The following GALNT2 variants were observed in gnomAD, a reference collection of about 807,000 sequenced individuals.
GALNT2 encodes the protein UDP-GalNAc:polypeptide N-acetylgalactosaminyltransferase 2.
GALNT2 carries 31 observed loss-of-function variants against 81.4 expected under a neutral mutation model. That is an observed-to-expected ratio of 0.38 (90% CI 0.29 to 0.51). The LOEUF (loss-of-function observed/expected upper bound fraction) is 0.51, where lower values mean the gene tolerates loss of function less well. Ranked by LOEUF, GALNT2 falls within the 20% of genes least tolerant of loss-of-function variation. The pLI is 0.87. For synonymous variants in GALNT2, 303 were observed against 287.4 expected, an observed-to-expected ratio of 1.05 and a Z score of -0.55; for missense variants, 629 against 765.7, an observed-to-expected ratio of 0.82 and a Z score of 2.11.
At chr1:230,122,690 T>C (rs57358662) in intron 1 of GALNT2, among the ~76,000 whole-genome samples, 7,575 of 152,176 alleles carry the variant, frequency 0.05, 573 homozygotes, top group East Asian at 0.33. Flanking sequence ...CTTCAGAGCA[T>C]TTTAAAGGTC....
intron 3 of GALNT2, among the ~76,000 whole-genome samples, chr1:230,220,281 G>GT (rs11341968): frequency 3.0e-4 from 45 of 147,962 alleles, no homozygotes; most frequent in South Asian, 4.3e-4. Flanking sequence ...AGGTGTTTTT[G>GT]TTTTTTTTTT....
intron 1 of GALNT2, among the ~76,000 whole-genome samples, chr1:230,155,242 T>C (rs571512182): frequency 6.6e-6 from 1 of 152,310 alleles, no homozygotes; most frequent in Non-Finnish European, 1.5e-5. Flanking sequence ...GGGGCCTGCA[T>C]GGGGTTGTGA....
intron 1 of GALNT2, among the ~76,000 whole-genome samples, chr1:230,084,315 A>T (rs1485115766): frequency 2.0e-5 from 3 of 152,086 alleles, no homozygotes; most frequent in Non-Finnish European, 4.4e-5. Flanking sequence ...GGAAGGGCCG[A>T]GGAGGGGACC....
chr1:230,067,751 G>A (rs890684191), intron 1 of GALNT2, among the ~76,000 whole-genome samples: 27 of 152,202 alleles, frequency 1.8e-4, no homozygotes, highest in Non-Finnish European at 3.2e-4. Context: ...AAACACAAAG[G>A]GGGTGGGGAG....
At chr1:230,131,883 G>C (rs918024720) in intron 1 of GALNT2, among the ~76,000 whole-genome samples, 1 of 152,248 alleles carries the variant, frequency 6.6e-6, no homozygotes, top group African/African-American at 2.4e-5. Flanking sequence ...GCTGAGGGCA[G>C]TTATGACCCA....
At chr1:230,146,130 T>G (rs1277822188) in intron 1 of GALNT2, among the ~76,000 whole-genome samples, 1 of 152,234 alleles carries the variant, frequency 6.6e-6, no homozygotes, top group Admixed American at 6.5e-5. Flanking sequence ...CCTCCTGGGT[T>G]AGGAGTGAAA....
At chr1:230,194,184 G>A (rs1663616051) in intron 2 of GALNT2, among the ~76,000 whole-genome samples, 1 of 152,214 alleles carries the variant, frequency 6.6e-6, no homozygotes, top group Non-Finnish European at 1.5e-5. Context: ...GTGATGAAGA[G>A]TATCAGTGGG....
chr1:230,255,408 C>T, intron 11 of GALNT2, 64 bp downstream of exon 11: 1 of 1,605,540 alleles, frequency 6.2e-7, no homozygotes. Context: ...CAGGACCTGA[C>T]CTTGGGCTGT....
intron 1 of GALNT2, among the ~76,000 whole-genome samples, chr1:230,153,306 AGATGTCTGCTAAT>A (rs1248592860): frequency 6.6e-6 from 1 of 152,224 alleles, no homozygotes; most frequent in Non-Finnish European, 1.5e-5. Context: ...AGACAAACTC[AGATGTCTGCTAAT>A]GATCGGTTCT....
At chr1:230,162,947 C>T (rs748495681) in intron 1 of GALNT2, among the ~76,000 whole-genome samples, 4 of 152,204 alleles carry the variant, frequency 2.6e-5, no homozygotes, top group Non-Finnish European at 5.9e-5. Flanking sequence ...AACTTTGGGT[C>T]TTCATTCTGA....
At chr1:230,065,129 T>C (rs1187473058), upstream of GALNT2, among the ~76,000 whole-genome samples, 4 of 152,206 alleles carry the variant, frequency 2.6e-5, no homozygotes, top group Non-Finnish European at 5.9e-5. Flanking sequence ...CCACTTAACA[T>C]GTATTTTGGT....
chr1:230,124,004 C>G lies in GALNT2; in HGVS notation c.127-54214C>G, dbSNP rs187526157. On this transcript the variant is annotated intron_variant, in intron 1 of 15. Coordinates refer to ENST00000366672, the MANE Select transcript of GALNT2 (RefSeq NM_004481.5). ...TGTAGCTTCAAACGTACAGCTTTGA[C>G]CACTTAATGAAAGCATGTGGATAGT... 2.0e-4 allele frequency among the ~76,000 whole-genome samples: 30 copies of G among 152,308 alleles called. No homozygotes were observed. In the East Asian group the frequency reaches 5.8e-3, roughly 29 times the overall value.
chr1:230,230,114 AAC>A (rs2102730736), intron 3 of GALNT2, among the ~76,000 whole-genome samples: 1 of 152,286 alleles, frequency 6.6e-6, no homozygotes, highest in African/African-American at 2.4e-5. Context: ...CACTCACATA[AAC>A]ACACAGTGAT....
In GALNT2 at chr1:230,275,064, ACG is replaced by A. The variant is rs143511776; in HGVS notation, c.1560+501_1560+502del. Among the ~76,000 whole-genome samples, 9,243 of 151,590 alleles carry A rather than the reference ACG, an allele frequency of 0.061. 363 individuals carry two copies. The highest frequency in any genetic ancestry group is 0.096 in the South Asian group (461 of 4,810). Reference sequence around the variant, plus strand: ...ACACATATATACATGCCACATATATACGTATATATATACACACCACATATATA... The same window carrying A: ...ACACATATATACATGCCACATATATATATATATATACACACCACATATATA... On this transcript the variant is annotated intron_variant, in intron 15 of 15. Transcript: ENST00000366672. This position sits in a 1 kb window ranked among gnomAD's most constrained non-coding sequence, Gnocchi z 5.5.
chr1:230,188,715 C>A (rs1663422218), intron 2 of GALNT2, among the ~76,000 whole-genome samples: 1 of 152,106 alleles, frequency 6.6e-6, no homozygotes, highest in Non-Finnish European at 1.5e-5. Context: ...ACTCTGTGAC[C>A]CTTGCTTCTA....
chr1:230,223,780 G>A (rs979439358), intron 3 of GALNT2, among the ~76,000 whole-genome samples: 18 of 152,294 alleles, frequency 1.2e-4, no homozygotes, highest in African/African-American at 1.9e-4. Flanking sequence ...CGAAAAGTTC[G>A]TCTTTTTAAC....
At chr1:230,224,504 G>A (rs1010006234) in intron 3 of GALNT2, among the ~76,000 whole-genome samples, 9 of 152,194 alleles carry the variant, frequency 5.9e-5, no homozygotes, top group African/African-American at 2.2e-4. Flanking sequence ...CAGCTAAAAT[G>A]TAGTGTCTGT....
chr1:230,178,334 C>T (rs777808480), intron 2 of GALNT2, 23 bp downstream of exon 2: 3 of 1,587,518 alleles, frequency 1.9e-6, no homozygotes, highest in Non-Finnish European at 2.6e-6. Flanking sequence ...GCCAGGAAGC[C>T]ATCTTGCTTT....
At position 230,281,037 on chromosome 1, in the gene GALNT2, CTGGCAG is replaced by C. The variant is rs1240478938; in HGVS notation, c.*1581_*1586del. On this transcript the variant is annotated 3_prime_UTR_variant, in exon 16 of 16. Coordinates refer to ENST00000366672, the MANE Select transcript of GALNT2 (RefSeq NM_004481.5). ...TCAGTCTCAGAGAGGCTGGCACGGCCTGGCAGTCTGAGAAAAGCGTCAGTTAGGCAC... is the reference window on the plus strand; with the variant it reads ...TCAGTCTCAGAGAGGCTGGCACGGCCTCTGAGAAAAGCGTCAGTTAGGCAC... 1 of 152,282 alleles carries C rather than the reference CTGGCAG, an allele frequency of 6.6e-6. No individual in the cohort carries two copies. Among genetic ancestry groups the C allele is most frequent in the African/African-American group, 2.4e-5 (1 of 41,442 alleles). The allele number at this position is 152,282 out of a possible 1,614,324, so 9.4% of individuals were successfully genotyped here. A position where few individuals can be genotyped will look rare whatever the true frequency, so the allele number is the denominator to read the frequency against.
Sources: allele counts gnomAD v4.1 joint callset (sites outside exome capture counted in the v4.1 genomes callset), GRCh38; gene constraint gnomAD v4.1.1; non-coding constraint Gnocchi (gnomAD v3.1); transcripts MANE v1.5; gene names NCBI Gene and HGNC (gene_info 2026-07-23, HGNC 2026-07-21).